The following TTC27 variants were observed in gnomAD, a reference collection of about 807,000 sequenced individuals.
TTC27 encodes the protein tetratricopeptide repeat domain 27.
Under a neutral mutation model 115.9 loss-of-function variants are expected in TTC27, and 79 were observed. That is an observed-to-expected ratio of 0.68 (90% confidence interval 0.57 to 0.82). TTC27 has a LOEUF of 0.82. Among genes scored for constraint, TTC27 ranks in the 40% least tolerant of loss-of-function variants. TTC27 has a pLI of 0.00. For missense variants in TTC27, 1,054 were observed against 993.1 expected (o/e 1.06, Z -0.82); for synonymous variants, 401 against 356.0 (o/e 1.13, Z -1.42).
intron 9 of TTC27, among the ~76,000 whole-genome samples, chr2:32,694,093 A>G (rs1039219941): frequency 1.3e-5 from 2 of 152,214 alleles, no homozygotes; most frequent in Non-Finnish European, 2.9e-5. Flanking sequence ...TCTAGTCGTC[A>G]GCCTTTTGGT....
intron 8 of TTC27, among the ~76,000 whole-genome samples, chr2:32,678,012 A>C (rs1004040445): frequency 5.9e-5 from 9 of 152,196 alleles, no homozygotes; most frequent in African/African-American, 2.2e-4. Flanking sequence ...ATCCAAACAC[A>C]TTGGGAATCT....
rs772520508 is a variant in TTC27, at chr2:32,817,535, G to A, written c.2387G>A (p.Arg796Gln). The change falls in exon 19 of 20, where the codon CGG (arginine) becomes CAG (glutamine). Residue 796 changes from arginine to glutamine, a missense_variant. By Grantham distance (43) the Arg-to-Gln change is conservative. Transcript: ENST00000317907. ...CTTTCTTCTGTTCGACTCAATTTAC[G>A]GGGCTTGTTATCTAAAGCAAAGGTG... is the stretch of plus-strand genomic sequence containing the variant. ...QMLSSVRLNL[R>Q]GLLSKAKQLF... is the part of the protein sequence containing the mutation. 23 of 1,613,838 alleles carry A rather than the reference G, an allele frequency of 1.4e-5. No individual in the cohort carries two copies. The highest frequency in any genetic ancestry group is 1.3e-4 in the Admixed American group (8 of 60,004).
intron 9 of TTC27, among the ~76,000 whole-genome samples, chr2:32,681,308 C>G (rs1240734967): frequency 6.6e-6 from 1 of 152,116 alleles, no homozygotes; most frequent in Non-Finnish European, 1.5e-5. Context: ...TTTTTAATCT[C>G]AAATGAAACA....
At chr2:32,707,304 A>C (rs1159304342) in intron 10 of TTC27, among the ~76,000 whole-genome samples, 1 of 152,210 alleles carries the variant, frequency 6.6e-6, no homozygotes, top group African/African-American at 2.4e-5. Flanking sequence ...GGTAGAAGGC[A>C]AAAGGAAGTA....
chr2:32,734,368 C>T (rs1668387232), intron 11 of TTC27, among the ~76,000 whole-genome samples: 1 of 152,120 alleles, frequency 6.6e-6, no homozygotes. Context: ...ACTACCATGC[C>T]TGGCTTTGAA....
chr2:32,634,393 T>A (rs1215780939), intron 3 of TTC27, among the ~76,000 whole-genome samples: 7 of 151,432 alleles, frequency 4.6e-5, no homozygotes, highest in Non-Finnish European at 1.0e-4. Flanking sequence ...CTACTCAGGC[T>A]CAGGCGATCT....
chr2:32,656,231 G>C lies in TTC27; in HGVS notation c.640+5998G>C, dbSNP rs567037734. ...TCCAGACACTGCGCTATGTGCTGTG[G>C]ATATCAGTGAACTTAGTGAGATAAG... On this transcript the variant is annotated intron_variant, in intron 5 of 19. Coordinates refer to ENST00000317907, the MANE Select transcript of TTC27 (RefSeq NM_017735.5). 4.3e-4 allele frequency among the ~76,000 whole-genome samples: 66 copies of C among 152,210 alleles called. No individual in the cohort carries two copies. The South Asian group carries it at 0.013, about 31-fold the overall frequency.
chr2:32,640,466 A>C (rs1339256542), intron 4 of TTC27, 56 bp downstream of exon 4: 2 of 1,540,756 alleles, frequency 1.3e-6, no homozygotes, highest in Non-Finnish European at 1.8e-6. Context: ...GCTTATTAAC[A>C]CCAGGCTGTA....
rs1001847479 is a variant in TTC27 at position 32,710,297 on chromosome 2, A to G, written c.1233+7377A>G. ...TGATGAAGGACATACTGACCTAGAA[A>G]TAATTTGCCTTTTAGCCATCTCTTT... is the stretch of plus-strand genomic sequence containing the variant. On this transcript the variant is annotated intron_variant, in intron 10 of 19. Transcript: ENST00000317907. 2.0e-5 allele frequency among the ~76,000 whole-genome samples: 3 copies of G among 152,326 alleles called. 1 individual carries two copies. The highest frequency in any genetic ancestry group is 4.1e-4 in the South Asian group (2 of 4,828).
chr2:32,767,461 T>TTG (rs1553317329), intron 13 of TTC27, among the ~76,000 whole-genome samples: 1 of 140,408 alleles, frequency 7.1e-6, no homozygotes, highest in Non-Finnish European at 1.5e-5. Context: ...TTGTTTTTTT[T>TTG]TTTTTTTTTG....
chr2:32,759,075 G>A (rs1669345389), intron 13 of TTC27, among the ~76,000 whole-genome samples: 2 of 152,130 alleles, frequency 1.3e-5, no homozygotes, highest in African/African-American at 4.8e-5. Flanking sequence ...AAATCCATAG[G>A]AGTGGACCTA....
intron 12 of TTC27, 124 bp downstream of exon 12, chr2:32,736,940 T>C: frequency 2.3e-6 from 3 of 1,332,306 alleles, no homozygotes; most frequent in African/African-American, 1.5e-5. Context: ...TCACTTTTTT[T>C]CCAGAAAACT....
At chr2:32,796,392 T>C (rs1182843753) in intron 16 of TTC27, among the ~76,000 whole-genome samples, 1 of 152,154 alleles carries the variant, frequency 6.6e-6, no homozygotes, top group Non-Finnish European at 1.5e-5. Flanking sequence ...ATGTCTGGAA[T>C]TCAGCGCAGA....
chr2:32,676,700 A>G (rs1183487767), intron 8 of TTC27, among the ~76,000 whole-genome samples: 2 of 151,964 alleles, frequency 1.3e-5, no homozygotes, highest in African/African-American at 4.8e-5. Flanking sequence ...CATCTTGGCC[A>G]GGCTGGTCTT....
intron 12 of TTC27, among the ~76,000 whole-genome samples, chr2:32,754,886 C>G (rs1372382166): frequency 2.0e-5 from 3 of 150,900 alleles, no homozygotes; most frequent in Non-Finnish European, 4.4e-5. Flanking sequence ...TGACCCCCCC[C>G]ACCTCCCTCC....
chr2:32,743,205 A>G (rs1218192445), intron 12 of TTC27, among the ~76,000 whole-genome samples: 1 of 152,190 alleles, frequency 6.6e-6, no homozygotes, highest in South Asian at 2.1e-4. Flanking sequence ...CTCTTATCAC[A>G]CATTAGAATT....
chr2:32,656,898 C>G lies in TTC27; in HGVS notation c.640+6665C>G, dbSNP rs527810177. On this transcript the variant is annotated intron_variant, in intron 5 of 19. Coordinates refer to ENST00000317907, the MANE Select transcript of TTC27 (RefSeq NM_017735.5). ...TCATTCAATAATGATTGTGTGTCTT[C>G]TCTTCTTAGCTACCTAGCTCTTCCT... 1.2e-4 allele frequency among the ~76,000 whole-genome samples: 18 copies of G among 152,112 alleles called. No homozygotes were observed. The South Asian group carries it at 3.7e-3, about 32-fold the overall frequency.
intron 13 of TTC27, among the ~76,000 whole-genome samples, chr2:32,770,850 G>A (rs1024707482): frequency 6.6e-6 from 1 of 152,178 alleles, no homozygotes; most frequent in Non-Finnish European, 1.5e-5. Flanking sequence ...TATGTTATTT[G>A]TGGTGGGAAG....
intron 3 of TTC27, among the ~76,000 whole-genome samples, chr2:32,635,655 G>T (rs768118460): frequency 3.3e-5 from 5 of 152,146 alleles, no homozygotes; most frequent in Admixed American, 6.6e-5. Context: ...CTGCACTCCA[G>T]CCTGGGTGAC....
Sources: allele counts gnomAD v4.1 joint callset (sites outside exome capture counted in the v4.1 genomes callset), GRCh38; gene constraint gnomAD v4.1.1; transcripts MANE v1.5; gene names NCBI Gene and HGNC (gene_info 2026-07-23, HGNC 2026-07-21).